COL4A3: variants seen among roughly 807,000 people sequenced by gnomAD.
The protein encoded by COL4A3 is collagen alpha-3(IV) chain.
COL4A3 carries 135 observed loss-of-function variants against 217.4 expected under a neutral mutation model. The ratio of observed to expected loss-of-function variants is 0.62; its 90% CI spans 0.54 to 0.72. The LOEUF (loss-of-function observed/expected upper bound fraction) is 0.72, where lower values mean the gene tolerates loss of function less well. Ranked by LOEUF, COL4A3 falls within the 30% of genes least tolerant of loss-of-function variation. The pLI is 0.00. For missense variants in COL4A3, 1,868 were observed against 2,119.9 expected, an observed-to-expected ratio of 0.88 and a Z score of 2.33; for synonymous variants, 690 against 736.3, an observed-to-expected ratio of 0.94 and a Z score of 1.02.
At chr2:227,289,940 T>A (rs1442198332) in intron 35 of COL4A3, 59 bp from the exon 36 acceptor site, 1 of 1,535,012 alleles carries the variant, frequency 6.5e-7, no homozygotes, top group African/African-American at 1.4e-5. Flanking sequence ...CAAGTATTTA[T>A]TAAACACATA....
intron 1 of COL4A3, among the ~76,000 whole-genome samples, chr2:227,236,774 C>T (rs2125880200): frequency 6.6e-6 from 1 of 152,138 alleles, no homozygotes; most frequent in South Asian, 2.1e-4. Flanking sequence ...ATTCTCCTGC[C>T]TCAGCCTCTG....
intron 50 of COL4A3, 71 bp from the exon 51 acceptor site, chr2:227,310,705 A>C: frequency 1.5e-6 from 2 of 1,340,402 alleles, no homozygotes; most frequent in Non-Finnish European, 2.1e-6. Context: ...CATTCAAAAA[A>C]AAAAGTAGAG....
intron 1 of COL4A3, among the ~76,000 whole-genome samples, chr2:227,168,761 T>G (rs2065366443): frequency 6.6e-6 from 1 of 152,190 alleles, no homozygotes; most frequent in South Asian, 2.1e-4. Flanking sequence ...CTTTTACAGT[T>G]AGATCTCTTA....
intron 35 of COL4A3, 80 bp from the exon 36 acceptor site, chr2:227,289,919 C>T (rs2072577510): frequency 1.7e-5 from 23 of 1,338,254 alleles, no homozygotes; most frequent in Non-Finnish European, 2.4e-5. Flanking sequence ...TTCATTCATG[C>T]ATGCAAGCAA....
intron 1 of COL4A3, among the ~76,000 whole-genome samples, chr2:227,218,914 C>G (rs2067641255): frequency 6.6e-6 from 1 of 152,074 alleles, no homozygotes; most frequent in Admixed American, 6.6e-5. Flanking sequence ...TTCTACAAAA[C>G]AGATGTTGCC....
At chr2:227,238,521 G>A (rs1246448988) in intron 2 of COL4A3, among the ~76,000 whole-genome samples, 2 of 152,098 alleles carry the variant, frequency 1.3e-5, no homozygotes, top group Non-Finnish European at 2.9e-5. Flanking sequence ...CTCCATTGCA[G>A]AATTCAAGAA....
At chr2:227,255,288 A>C (rs2070084055) in intron 15 of COL4A3, among the ~76,000 whole-genome samples, 1 of 152,128 alleles carries the variant, frequency 6.6e-6, no homozygotes, top group Non-Finnish European at 1.5e-5. Flanking sequence ...CCACAAAGGA[A>C]ATAGGGCAAT....
intron 34 of COL4A3, 34 bp from the exon 35 acceptor site, chr2:227,289,116 A>C (rs1422424702): frequency 6.4e-7 from 1 of 1,568,806 alleles, no homozygotes; most frequent in Admixed American, 1.7e-5. Context: ...ACACCTGGCT[A>C]ATTTTCTTGT....
At chr2:227,246,759 C>A in intron 7 of COL4A3, 21 bp downstream of exon 7, 1 of 1,594,798 alleles carries the variant, frequency 6.3e-7, no homozygotes, top group Non-Finnish European at 8.6e-7. Flanking sequence ...ATGCCTAATT[C>A]CCCAACAAAG....
chr2:227,258,267 T>C (rs2125949828), intron 18 of COL4A3, among the ~76,000 whole-genome samples: 1 of 152,360 alleles, frequency 6.6e-6, no homozygotes, highest in East Asian at 1.9e-4. Flanking sequence ...TGAATGGTCA[T>C]GCAGGTTAAA....
intron 1 of COL4A3, among the ~76,000 whole-genome samples, chr2:227,206,668 C>T (rs1178069100): frequency 2.6e-5 from 4 of 152,126 alleles, no homozygotes; most frequent in African/African-American, 4.8e-5. Flanking sequence ...CTGCCCCAGA[C>T]CTAATGAGTC....
chr2:227,188,153 T>C (rs1244928855), intron 1 of COL4A3, among the ~76,000 whole-genome samples: 1 of 152,190 alleles, frequency 6.6e-6, no homozygotes, highest in African/African-American at 2.4e-5. Context: ...TAGAAAAGTA[T>C]GTTAAACCCA....
chr2:227,208,377 A>G (rs2067181011), intron 1 of COL4A3, among the ~76,000 whole-genome samples: 1 of 152,136 alleles, frequency 6.6e-6, no homozygotes, highest in South Asian at 2.1e-4. Flanking sequence ...CATTATTGTA[A>G]AACCTAAGAT....
At chr2:227,239,499 T>C (rs2068893901) in intron 2 of COL4A3, among the ~76,000 whole-genome samples, 1 of 152,208 alleles carries the variant, frequency 6.6e-6, no homozygotes, top group Non-Finnish European at 1.5e-5. Flanking sequence ...TTGGTAGAAC[T>C]GTGTCAAGCC....
At chr2:227,289,042 C>A in intron 34 of COL4A3, 108 bp from the exon 35 acceptor site, 1 of 789,410 alleles carries the variant, frequency 1.3e-6, no homozygotes, top group Non-Finnish European at 2.2e-6. Context: ...CCTCTGTCTC[C>A]CAGGTTCAAG....
At chr2:227,218,424 C>G (rs1278807225) in intron 1 of COL4A3, among the ~76,000 whole-genome samples, 1 of 151,990 alleles carries the variant, frequency 6.6e-6, no homozygotes, top group Non-Finnish European at 1.5e-5. Context: ...GGAGATTGTG[C>G]CACTGCACTC....
chr2:227,238,771 T>C (rs2068846531), intron 2 of COL4A3, among the ~76,000 whole-genome samples: 1 of 152,186 alleles, frequency 6.6e-6, no homozygotes, highest in African/African-American at 2.4e-5. Context: ...TAATTATACT[T>C]ATTTTAAATT....
At chr2:227,260,891 T>C (rs2070515326) in intron 19 of COL4A3, among the ~76,000 whole-genome samples, 191 bp from the exon 20 acceptor site, 1 of 152,220 alleles carries the variant, frequency 6.6e-6, no homozygotes, top group South Asian at 2.1e-4. Context: ...TTTTGAGTGT[T>C]AGACTTCCAA....
rs775544184 is a variant in COL4A3, at chr2:227,251,141, G to A, written c.548G>A (p.Gly183Asp). The A allele has an allele frequency of 1.2e-6, 2 of 1,612,230 alleles. No homozygotes were observed. Among genetic ancestry groups the A allele is most frequent in the Non-Finnish European group, 8.5e-7 (1 of 1,178,300 alleles). Residue 183 changes from glycine (G) to aspartate (D), a missense_variant and splice_region_variant, in exon 10 of 52, where the codon GGT becomes GAT. Around this residue, in one of 2 missense-constraint regions of COL4A3, gnomAD observed 365 missense variants for 333.8 expected, o/e 1.09. Transcript: ENST00000396578. ...PGLPGAPGPQ[G>D]LPGPPGFPGP... is the part of the protein sequence containing the mutation. ...TCTTATTCTTCTCTCAATTTCAAGG[G>A]TTTGCCAGGCCCTCCAGGTTTTCCT... is the stretch of plus-strand genomic sequence containing the variant.
Sources: gnomAD v4.1 joint callset for allele counts (sites outside exome capture counted in the v4.1 genomes callset) on GRCh38, gnomAD v4.1.1 for gene constraint, gnomAD v4.1.1 regional missense constraint, MANE v1.5 for transcripts, NCBI Gene and HGNC (gene_info 2026-07-23, HGNC 2026-07-21) for gene names.